MCRS1: variants seen among roughly 807,000 people sequenced by gnomAD.
The protein encoded by MCRS1 is 58 kDa microspherule protein.
A neutral mutation model predicts 62.9 loss-of-function variants in MCRS1; 22 were observed. The ratio of observed to expected loss-of-function variants is 0.35; its 90% CI spans 0.25 to 0.50. MCRS1 has a LOEUF of 0.50. Among genes scored for constraint, MCRS1 ranks in the 20% least tolerant of loss-of-function variants. The pLI, the probability that MCRS1 is intolerant of heterozygous loss-of-function variation, is 0.98. For synonymous variants in MCRS1, 244 were observed against 233.5 expected (o/e 1.04, Z -0.41); for missense variants, 456 against 601.1 (o/e 0.76, Z 2.52).
At position 49,564,593 on chromosome 12, in the gene MCRS1, G is replaced by A. The variant is rs774778778; in HGVS notation, c.448-3C>T. 13 of 1,608,874 alleles carry A rather than the reference G, an allele frequency of 8.1e-6. No individual in the cohort carries two copies. Among genetic ancestry groups the A allele is most frequent in the Non-Finnish European group, 1.1e-5 (13 of 1,177,570 alleles). ...TGGACGGAGGTCAGGTCGTTGGTCT[G>A]CAAGGCCCCAGAAGGATTTGCTCCA... On this transcript the variant is annotated splice_region_variant and splice_polypyrimidine_tract_variant and intron_variant, in intron 5 of 14. Coordinates refer to ENST00000343810, the MANE Select transcript of MCRS1 (RefSeq NM_006337.5).
intron 9 of MCRS1, 66 bp downstream of exon 9, chr12:49,560,229 G>C: frequency 6.5e-7 from 1 of 1,543,618 alleles, no homozygotes; most frequent in East Asian, 2.2e-5. Flanking sequence ...TGGGCAGCCT[G>C]GGGCGCTCTA....
rs939782132 is a variant in MCRS1, at chr12:49,564,677, T to C, written c.447+60A>G. 10 of 1,603,410 alleles carry C rather than the reference T, an allele frequency of 6.2e-6. No individual in the cohort carries two copies. In the African/African-American group the frequency reaches 1.1e-4, roughly 17 times the overall value. ...CCACAGGGCCCTGTTGGGCTAATTTTGGGGTGCGAACTGGAGGTTGGGGGA... is the reference window on the plus strand; with the variant it reads ...CCACAGGGCCCTGTTGGGCTAATTTCGGGGTGCGAACTGGAGGTTGGGGGA... On this transcript the variant is annotated intron_variant, in intron 5 of 14. Transcript: ENST00000343810.
At chr12:49,566,985 A>G in intron 1 of MCRS1, 144 bp from the exon 2 acceptor site, 1 of 565,076 alleles carries the variant, frequency 1.8e-6, no homozygotes, top group Non-Finnish European at 3.2e-6. Context: ...CACTCTGCCA[A>G]TAATAGCCTT....
In MCRS1 at chr12:49,559,031, A is replaced by G; in HGVS notation, c.1175-61T>C. 4 of 1,601,610 alleles carry G rather than the reference A, an allele frequency of 2.5e-6. No homozygotes were observed. The highest frequency in any genetic ancestry group is 1.7e-4 in the Middle Eastern group (1 of 6,024). ...GGGGAGGGATTGATGGGATGGGGAAAGGCCAGAGAGAGCCAGGAGCTTCCA... is the reference window on the plus strand; with the variant it reads ...GGGGAGGGATTGATGGGATGGGGAAGGGCCAGAGAGAGCCAGGAGCTTCCA... On this transcript the variant is annotated intron_variant, in intron 13 of 14. Transcript: ENST00000343810. The surrounding 1 kb of genome is among the most constrained non-coding windows in gnomAD (Gnocchi z 5.2).
chr12:49,558,986 G>GA lies in MCRS1; in HGVS notation c.1175-17dup, dbSNP rs761771919. On this transcript the variant is annotated splice_polypyrimidine_tract_variant and intron_variant, in intron 13 of 14. Transcript: ENST00000343810. ...TTGATGACACCTGTGGAAGCAGAAA[G>GA]AAAGAAGGGATGATGGGATGGGGAG... is the stretch of plus-strand genomic sequence containing the variant. 60 of 1,610,418 alleles carry GA rather than the reference G, an allele frequency of 3.7e-5. No homozygotes were observed. The highest frequency in any genetic ancestry group is 5.1e-5 in the Non-Finnish European group (60 of 1,179,972).
intron 2 of MCRS1, 62 bp from the exon 3 acceptor site, chr12:49,566,277 C>A: frequency 1.3e-6 from 2 of 1,579,668 alleles, no homozygotes; most frequent in Non-Finnish European, 1.7e-6. Context: ...GCAAATGGGA[C>A]CCCTCCCCAG....
rs775672369 is a variant in MCRS1, at chr12:49,564,877, T to C, written c.307A>G (p.Thr103Ala). Reference protein sequence around the residue: ...EKKKVSKAPSTPVPPSPAPAP... With the variant: ...EKKKVSKAPSAPVPPSPAPAP... ...GGGGCTGGGCTGGGTGGCACAGGAG[T>C]GCTGGGGGCTTTGGATACCTGGGCA... The change falls in exon 5 of 15, where the codon ACT (threonine) becomes GCT (alanine). Residue 103 changes from threonine to alanine, a missense_variant. Transcript: ENST00000343810. 1 of 1,601,844 alleles carries C rather than the reference T, an allele frequency of 6.2e-7. No homozygotes were observed. Among genetic ancestry groups the C allele is most frequent in the East Asian group, 2.2e-5 (1 of 44,672 alleles).
chr12:49,564,621 C>T (rs533463974), intron 5 of MCRS1, 31 bp from the exon 6 acceptor site: 32 of 1,608,484 alleles, frequency 2.0e-5, no homozygotes, highest in Non-Finnish European at 2.7e-5. Flanking sequence ...TTGCTCCAGC[C>T]TTGGAGCTGG....
chr12:49,560,493 G>T (rs1035346073), intron 8 of MCRS1, 123 bp from the exon 9 acceptor site: 2 of 837,134 alleles, frequency 2.4e-6, no homozygotes, highest in Non-Finnish European at 4.1e-6. Context: ...CACCAGCAAG[G>T]GTGCCCATAC....
Position 49,559,071 on chromosome 12 carries a change from T to C in MCRS1, c.1175-101A>G. On this transcript the variant is annotated intron_variant, in intron 13 of 14. Coordinates refer to ENST00000343810, the MANE Select transcript of MCRS1 (RefSeq NM_006337.5). This position sits in a 1 kb window ranked among gnomAD's most constrained non-coding sequence, Gnocchi z 5.2. The stretch of plus-strand genomic sequence containing the variant: ...AGGAGCTTCCATGGACCAGCTCTGC[T>C]TCCTGCAGACACCAAGGAATCCCTG... The C allele has an allele frequency of 6.4e-7, 1 of 1,555,472 alleles. No individual in the cohort carries two copies. The highest frequency in any genetic ancestry group is 8.8e-7 in the Non-Finnish European group (1 of 1,134,184).
chr12:49,565,737 CAA>C (rs1209198369), intron 3 of MCRS1, 70 bp from the exon 4 acceptor site: 2 of 1,607,036 alleles, frequency 1.2e-6, no homozygotes, highest in African/African-American at 2.7e-5. Context: ...CCCCAGCCCC[CAA>C]AAGAGAGCAG....
intron 3 of MCRS1, 150 bp downstream of exon 3, chr12:49,565,927 A>C: frequency 1.6e-6 from 2 of 1,225,748 alleles, no homozygotes; most frequent in Non-Finnish European, 2.3e-6. Context: ...GGAAGGATTT[A>C]GCAGGGACAG....
Position 49,563,506 on chromosome 12 carries a change from T to C in MCRS1, c.598A>G (p.Ile200Val), listed in dbSNP as rs772571944. ...QAMRQLHPEA[I>V]AAIQSKALFS... ...AGGGCCTTGCTCTGGATGGCTGCAA[T>C]AGCCTCTGGGTGCAGCTGCCTCATG... The change falls in exon 7 of 15, where the codon ATT (isoleucine) becomes GTT (valine). Residue 200 changes from isoleucine to valine, a missense_variant. Around this residue, in one of 3 missense-constraint regions of MCRS1, gnomAD observed 393 missense variants for 523.5 expected, o/e 0.75. Coordinates refer to ENST00000343810, the MANE Select transcript of MCRS1 (RefSeq NM_006337.5). The C allele has an allele frequency of 2.5e-6, 4 of 1,612,060 alleles. No individual in the cohort carries two copies. The highest frequency in any genetic ancestry group is 2.2e-5 in the East Asian group (1 of 44,890).
In MCRS1 at chr12:49,564,758, C is replaced by A; in HGVS notation, c.426G>T (p.Leu142=). The change falls in exon 5 of 15, where the codon CTG becomes CTT. Residue 142 remains leucine, a synonymous_variant. Transcript: ENST00000343810. ...CTACCTGCAACACAGCATTTATGAG[C>A]AGGAGGTCATCTGCAGGCTTCCAGC... The part of the protein sequence containing the change: ...LGRWKPADDL[L]LINAVLQTND... The A allele has an allele frequency of 6.2e-7, 1 of 1,612,788 alleles. No homozygotes were observed. The highest frequency in any genetic ancestry group is 8.5e-7 in the Non-Finnish European group (1 of 1,179,212).
chr12:49,566,411 T>TG lies in MCRS1; in HGVS notation c.11-197dup, dbSNP rs1010391448. ...CAGACCTGGCCCAGACCTTCCACGC[T>TG]GGGCAGTTCCCCCGGTGCCACGTGT... is the stretch of plus-strand genomic sequence containing the variant. On this transcript the variant is annotated intron_variant, in intron 2 of 14. Coordinates refer to ENST00000343810, the MANE Select transcript of MCRS1 (RefSeq NM_006337.5). 31 of 1,577,450 alleles carry TG rather than the reference T, an allele frequency of 2.0e-5. No homozygotes were observed. In the Admixed American group the frequency reaches 3.3e-4, roughly 17 times the overall value.
intron 9 of MCRS1, 49 bp from the exon 10 acceptor site, chr12:49,560,016 T>C: frequency 6.2e-7 from 1 of 1,612,492 alleles, no homozygotes; most frequent in Non-Finnish European, 8.5e-7. Context: ...TCAGCTTGCC[T>C]GTTACTTGGC....
intron 8 of MCRS1, among the ~76,000 whole-genome samples, chr12:49,561,758 A>G (rs1470096149): frequency 6.6e-6 from 1 of 152,136 alleles, no homozygotes; most frequent in Non-Finnish European, 1.5e-5. Flanking sequence ...CTTCCTGAGT[A>G]GCTGGGATTA....
chr12:49,560,155 A>C, intron 9 of MCRS1, 140 bp downstream of exon 9: 1 of 1,178,404 alleles, frequency 8.5e-7, no homozygotes. Context: ...AGAAGGCCCC[A>C]GTGGGAGGGG....
chr12:49,565,873 C>T (rs907237888), intron 3 of MCRS1, among the ~76,000 whole-genome samples: 40 of 152,236 alleles, frequency 2.6e-4, no homozygotes, highest in African/African-American at 8.2e-4. Context: ...AAAGACTTCA[C>T]GTCAGAGACC....
Sources: allele counts gnomAD v4.1 joint callset (sites outside exome capture counted in the v4.1 genomes callset), GRCh38; gene constraint gnomAD v4.1.1; regional missense constraint gnomAD v4.1.1; non-coding constraint Gnocchi (gnomAD v3.1); transcripts MANE v1.5; gene names NCBI Gene and HGNC (gene_info 2026-07-23, HGNC 2026-07-21).